Variants in PNKP observed in about 807,000 individuals in gnomAD.
The protein encoded by PNKP is polynucleotide kinase 3'-phosphatase.
In PNKP, 82 loss-of-function variants were observed where a neutral mutation model predicts 66.2. That is an observed-to-expected ratio of 1.24 (90% CI 1.04 to 1.49). PNKP has a LOEUF of 1.49. Among genes scored for constraint, PNKP ranks in the 40% most tolerant of loss-of-function variants. The pLI, the probability that PNKP is intolerant of heterozygous loss-of-function variation, is 0.00. For missense variants in PNKP, 907 were observed against 706.8 expected (o/e 1.28, Z -3.21); for synonymous variants, 412 against 298.9 (o/e 1.38, Z -3.90).
In PNKP at chr19:49,864,338, G is replaced by A. The variant is rs574408360; in HGVS notation, c.564C>T (p.Gly188=). ...TTRSGKVFPT[G]PSDWRILYPE... ...CCTCTTATCACCTCCAGTCACTGGG[G>A]CCAGTGGGAAAGACCTTCCCAGAGC... is the stretch of plus-strand genomic sequence containing the variant. The change falls in exon 5 of 17, where the codon GGC becomes GGT. Residue 188 remains glycine (G), a synonymous_variant. Transcript: ENST00000322344. 6.6e-5 allele frequency: 107 copies of A among 1,613,672 alleles called. 2 individuals carry two copies. The South Asian group carries it at 9.7e-4, about 15-fold the overall frequency.
chr19:49,866,508 G>T, intron 2 of PNKP, 63 bp from the exon 3 acceptor site: 1 of 1,511,396 alleles, frequency 6.6e-7, no homozygotes, highest in Non-Finnish European at 9.2e-7. Flanking sequence ...CTCATTTCTG[G>T]GGAGTGTGGC....
Position 49,866,458 on chromosome 19 carries a change from G to A in PNKP, c.152-13C>T, listed in dbSNP as rs2074821297. ...GCGACCAGCTCCACTGAGGATTGGAGGGGTGGAGTCAGGATTTGCATCCTT... is the reference window on the plus strand; with the variant it reads ...GCGACCAGCTCCACTGAGGATTGGAAGGGTGGAGTCAGGATTTGCATCCTT... On this transcript the variant is annotated splice_polypyrimidine_tract_variant and intron_variant, in intron 2 of 16. Coordinates refer to ENST00000322344, the MANE Select transcript of PNKP (RefSeq NM_007254.4). 1 of 1,613,908 alleles carries A rather than the reference G, an allele frequency of 6.2e-7. No homozygotes were observed. Among genetic ancestry groups the A allele is most frequent in the East Asian group, 2.2e-5 (1 of 44,888 alleles).
chr19:49,866,047 C>T, intron 3 of PNKP: 1 of 372,574 alleles, frequency 2.7e-6, no homozygotes, highest in Non-Finnish European at 5.1e-6. Context: ...GGTTCTCGCT[C>T]TGTCACCCAG....
In PNKP at chr19:49,862,384, G is replaced by A. The variant is rs1025604697; in HGVS notation, c.1016C>T (p.Pro339Leu). The A allele has an allele frequency of 8.4e-6, 13 of 1,552,708 alleles. No homozygotes were observed. Among genetic ancestry groups the A allele is most frequent in the African/African-American group, 1.4e-5 (1 of 73,220 alleles). The change falls in exon 11 of 17, where the codon CCA (proline) becomes CTA (leucine). Residue 339 changes from proline to leucine, a missense_variant. By Grantham distance (98) the Pro-to-Leu change is moderately conservative (BLOSUM62 -3). Transcript: ENST00000322344. ...CCAGGGCCTCACCGGATCAAAGGCT[G>A]GGAGCTCGAAGCCGGCTGCTGGCCA... ...LKWPAAGFEL[P>L]AFDPRTVSRS...
In PNKP at chr19:49,862,619, C is replaced by T. The variant is rs2074785495; in HGVS notation, c.866-11G>A. On this transcript the variant is annotated splice_polypyrimidine_tract_variant and intron_variant, in intron 9 of 16. Transcript: ENST00000322344. ...GGCGTCCGGCTGCGTCTGGAACACA[C>T]GGGACACCCCGTTCCCACCAGCTCG... 7 of 1,613,904 alleles carry T rather than the reference C, an allele frequency of 4.3e-6. No individual in the cohort carries two copies. Among genetic ancestry groups the T allele is most frequent in the Non-Finnish European group, 4.2e-6 (5 of 1,179,920 alleles).
Position 49,861,811 on chromosome 19 carries a change from G to A in PNKP, c.1259C>T (p.Ala420Val). ...GGCGTCTGGGTTTGTGTTGTCGATG[G>A]CGACCCGTTTCCCTTGCTTCAGGGC... Reference protein sequence around the residue: ...ETALKQGKRVAIDNTNPDAAS... With the variant: ...ETALKQGKRVVIDNTNPDAAS... Residue 420 changes from alanine to valine, a missense_variant, in exon 14 of 17, where the codon GCC becomes GTC. By Grantham distance (64) the Ala-to-Val change is moderately conservative. Coordinates refer to ENST00000322344, the MANE Select transcript of PNKP (RefSeq NM_007254.4). The A allele has an allele frequency of 1.3e-6, 2 of 1,582,398 alleles. No individual in the cohort carries two copies. The highest frequency in any genetic ancestry group is 8.6e-7 in the Non-Finnish European group (1 of 1,167,756).
intron 11 of PNKP, 31 bp downstream of exon 11, chr19:49,862,330 GCCCTCCCATC>G: frequency 6.6e-7 from 1 of 1,517,028 alleles, no homozygotes; most frequent in Non-Finnish European, 8.9e-7. Context: ...ATCCCCGGGA[GCCCTCCCATC>G]CCCACCCCCA....
At position 49,861,211 on chromosome 19, in the gene PNKP, G is replaced by GAAAC. The variant is rs3739208; in HGVS notation, c.*33_*36dup. On this transcript the variant is annotated 3_prime_UTR_variant, in exon 17 of 17. Transcript: ENST00000322344. ...GCAAAATGCCGGCCAAGCTCAAGGA[G>GAAAC]AAACAGCGTTTATTGTGGAGGGGAG... 4.5e-4 allele frequency: 639 copies of GAAAC among 1,415,090 alleles called. 5 individuals are homozygous for GAAAC. In the East Asian group the frequency reaches 0.012, roughly 27 times the overall value. The allele number at this position is 1,415,090 out of a possible 1,614,324, so 87.7% of individuals were successfully genotyped here. A position where few individuals can be genotyped will look rare whatever the true frequency, so the allele number is the denominator to read the frequency against.
Position 49,861,614 on chromosome 19 carries a change from G to A in PNKP, c.1380C>T (p.Asn460=), listed in dbSNP as rs1325443700. 1 of 1,556,978 alleles carries A rather than the reference G, an allele frequency of 6.4e-7. No homozygotes were observed. Among genetic ancestry groups the A allele is most frequent in the Non-Finnish European group, 8.7e-7 (1 of 1,151,128 alleles). ...CCGGGCTGAGCGGGCTCACCCGGTT[G>A]TTGTGGCGCGCCTGCTCCAGAGTGG... ...FTATLEQARH[N]NRFREMTDSS... Residue 460 remains asparagine, a synonymous_variant, in exon 15 of 17, where the codon AAC becomes AAT. Coordinates refer to ENST00000322344, the MANE Select transcript of PNKP (RefSeq NM_007254.4).
intron 3 of PNKP, 144 bp from the exon 4 acceptor site, chr19:49,865,570 A>AACGGTT: frequency 1.6e-6 from 1 of 612,550 alleles, no homozygotes; most frequent in South Asian, 1.9e-5. Flanking sequence ...CGGGCTTTGG[A>AACGGTT]ACGGTTACAG....
intron 4 of PNKP, 79 bp from the exon 5 acceptor site, chr19:49,864,482 C>T: frequency 9.3e-7 from 1 of 1,077,062 alleles, no homozygotes; most frequent in South Asian, 1.2e-5. Context: ...CTCACACCAA[C>T]CCTGCCAGGC....
At chr19:49,867,306 C>T (rs2074829183) in intron 1 of PNKP, 89 bp from the exon 2 acceptor site, 1 of 1,357,700 alleles carries the variant, frequency 7.4e-7, no homozygotes, top group African/African-American at 1.4e-5. Flanking sequence ...TAGAAAGTTT[C>T]CCCACCATTA....
At chr19:49,862,151 G>C in intron 12 of PNKP, 34 bp downstream of exon 12, 1 of 1,613,344 alleles carries the variant, frequency 6.2e-7, no homozygotes, top group Non-Finnish European at 8.5e-7. Context: ...CCCAGGCGGG[G>C]CTCAGGGCAC....
chr19:49,862,516 G>A (rs1469142053), intron 10 of PNKP, 22 bp downstream of exon 10: 2 of 1,603,668 alleles, frequency 1.2e-6, no homozygotes, highest in South Asian at 1.1e-5. Context: ...CTCGGGCGCG[G>A]GGCAGGGGGC....
rs574839930 is a variant in PNKP at position 49,862,956 on chromosome 19, ACCTCCTCCCGTTCC to A, written c.817-232_817-219del. On this transcript the variant is annotated intron_variant, in intron 8 of 16. Coordinates refer to ENST00000322344, the MANE Select transcript of PNKP (RefSeq NM_007254.4). The stretch of plus-strand genomic sequence containing the variant: ...CCCTCCCTCCAGGTCTCCCGACTTC[ACCTCCTCCCGTTCC>A]CCACGCGGCCACCGGAGGGCACCCA... 121 of 629,152 alleles carry A rather than the reference ACCTCCTCCCGTTCC, an allele frequency of 1.9e-4. No individual in the cohort carries two copies. In the African/African-American group the frequency reaches 2.2e-3, roughly 11 times the overall value. 39.0% of individuals were successfully genotyped at this position (629,152 alleles called of 1,614,324 possible).
intron 2 of PNKP, 196 bp from the exon 3 acceptor site, chr19:49,866,641 C>T (rs2074822899): frequency 1.5e-6 from 1 of 684,236 alleles, no homozygotes; most frequent in Non-Finnish European, 2.7e-6. Flanking sequence ...TTGCAAGGGA[C>T]AGGGAGGTAC....
In PNKP at chr19:49,864,071, G is replaced by C; in HGVS notation, c.637C>G (p.Leu213Val). 6.2e-7 allele frequency: 1 copy of C among 1,613,570 alleles called. No homozygotes were observed. Among genetic ancestry groups the C allele is most frequent in the Non-Finnish European group, 8.5e-7 (1 of 1,179,678 alleles). The change falls in exon 7 of 17, where the codon CTG (leucine) becomes GTG (valine). Residue 213 changes from leucine to valine, a missense_variant and splice_region_variant. Transcript: ENST00000322344. ...LRELEAEGYK[L>V]VIFTNQMSIG... is the part of the protein sequence containing the mutation. Reference sequence around the variant, plus strand: ...CTCATCTGGTTGGTGAAGATCACCAGCTGGGGAGCAAAGGGTGTCACCAGA... The same window carrying C: ...CTCATCTGGTTGGTGAAGATCACCACCTGGGGAGCAAAGGGTGTCACCAGA...
rs60279874 is a variant in PNKP at position 49,861,332 on chromosome 19, G to A, written c.1482C>T (p.Gly494=). Residue 494 remains glycine (G), a synonymous_variant, in exon 17 of 17, where the codon GGC becomes GGT. Transcript: ENST00000322344. The part of the protein sequence containing the change: ...KQFEAPTLAE[G]FSAILEIPFR... The stretch of plus-strand genomic sequence containing the variant: ...ACGGGATCTCCAGGATGGCAGAGAA[G>A]CCTTCAGCCAGCGTTGGGGCCTCGA... 1.1e-5 allele frequency: 18 copies of A among 1,614,172 alleles called. No homozygotes were observed. In the East Asian group the frequency reaches 4.0e-4, roughly 36 times the overall value.
intron 3 of PNKP, 83 bp from the exon 4 acceptor site, chr19:49,865,509 G>T: frequency 1.0e-6 from 1 of 990,994 alleles, no homozygotes; most frequent in Non-Finnish European, 1.6e-6. Context: ...GGAAAAATCA[G>T]CCCTTCTCCA....
Sources: gnomAD v4.1 joint callset for allele counts on GRCh38, gnomAD v4.1.1 for gene constraint, MANE v1.5 for transcripts, NCBI Gene and HGNC (gene_info 2026-07-23, HGNC 2026-07-21) for gene names.